ZNF33A: variants seen among roughly 807,000 people sequenced by gnomAD.
ZNF33A encodes zinc finger protein 33A.
In ZNF33A, 9 loss-of-function variants were observed where a neutral mutation model predicts 15.9. The observed-to-expected ratio is 0.57, with a 90% CI of 0.34 to 0.99. ZNF33A has a LOEUF of 0.99. Among genes scored for constraint, ZNF33A ranks in the 50% least tolerant of loss-of-function variants. The pLI is 0.02. For synonymous variants in ZNF33A, 294 were observed against 324.2 expected (o/e 0.91, Z 1.00); for missense variants, 843 against 941.6 (o/e 0.90, Z 1.37).
intron 4 of ZNF33A, among the ~76,000 whole-genome samples, chr10:38,043,224 C>T (rs1160202760): frequency 6.6e-6 from 1 of 151,866 alleles, no homozygotes; most frequent in Non-Finnish European, 1.5e-5. Flanking sequence ...TGGAAACCAT[C>T]ATTCTCAGCA....
intron 4 of ZNF33A, among the ~76,000 whole-genome samples, chr10:38,042,741 T>C (rs539019916): frequency 4.6e-5 from 7 of 152,164 alleles, no homozygotes; most frequent in African/African-American, 1.7e-4. Flanking sequence ...TTTTTAGAGA[T>C]GGTGTCTCAA....
chr10:38,023,855 G>A (rs1205912276), intron 4 of ZNF33A, among the ~76,000 whole-genome samples: 1 of 152,064 alleles, frequency 6.6e-6, no homozygotes, highest in Non-Finnish European at 1.5e-5. Flanking sequence ...AATATTACAA[G>A]GAATCTTAGA....
chr10:38,035,274 T>C (rs1393049034), intron 4 of ZNF33A, among the ~76,000 whole-genome samples: 2 of 151,956 alleles, frequency 1.3e-5, no homozygotes, highest in African/African-American at 4.8e-5. Flanking sequence ...CATACCACAA[T>C]GCCCAGCCAA....
At chr10:38,065,074 G>A (rs1222312209), downstream of ZNF33A, 1 of 152,452 alleles carries the variant, frequency 6.6e-6, no homozygotes, top group Non-Finnish European at 1.5e-5. Flanking sequence ...TTTTTTGTTT[G>A]TTTATTTGTT....
intron 4 of ZNF33A, among the ~76,000 whole-genome samples, chr10:38,051,505 T>C (rs1433703067): frequency 1.3e-5 from 2 of 152,056 alleles, no homozygotes; most frequent in Non-Finnish European, 2.9e-5. Flanking sequence ...AATTATATAT[T>C]GAAAATAAAG....
At chr10:38,038,370 G>A (rs1465122669) in intron 4 of ZNF33A, among the ~76,000 whole-genome samples, 1 of 152,108 alleles carries the variant, frequency 6.6e-6, no homozygotes, top group Non-Finnish European at 1.5e-5. Context: ...CCAAAGTGCT[G>A]GGATTACAGG....
chr10:38,010,656 G>A (rs753491820), upstream of ZNF33A: 34 of 1,556,422 alleles, frequency 2.2e-5, no homozygotes, highest in Middle Eastern at 5.0e-4. Flanking sequence ...CGCATGCCTC[G>A]TCCGCCGGCT....
At chr10:38,052,733 A>G (rs2066262436) in intron 4 of ZNF33A, among the ~76,000 whole-genome samples, 1 of 152,132 alleles carries the variant, frequency 6.6e-6, no homozygotes, top group African/African-American at 2.4e-5. Context: ...ACTCAAAGTA[A>G]AAGTTTGCTG....
At chr10:38,044,222 T>C (rs533174087) in intron 4 of ZNF33A, among the ~76,000 whole-genome samples, 41 of 151,130 alleles carry the variant, frequency 2.7e-4, no homozygotes, top group Non-Finnish European at 1.3e-4. Flanking sequence ...TTTTTTTTTT[T>C]TTGAGATGGA....
At chr10:38,018,259 C>A (rs549036234) in intron 4 of ZNF33A, among the ~76,000 whole-genome samples, 1 of 152,238 alleles carries the variant, frequency 6.6e-6, no homozygotes, top group South Asian at 2.1e-4. Context: ...TCAGGGGAAA[C>A]CTTAATGAGG....
chr10:38,017,300 T>A lies in ZNF33A; in HGVS notation c.164T>A (p.Val55Asp). 3 of 1,613,890 alleles carry A rather than the reference T, an allele frequency of 1.9e-6. No individual in the cohort carries two copies. Among genetic ancestry groups the A allele is most frequent in the Non-Finnish European group, 2.5e-6 (3 of 1,179,854 alleles). Reference protein sequence around the residue: ...YSNLVSVGYCVHKPEVIFRLQ... With the variant: ...YSNLVSVGYCDHKPEVIFRLQ... ...TATTTCCTGTTAACAGGGTATTGTGTTCACAAACCAGAGGTGATCTTCAGG... is the reference window on the plus strand; with the variant it reads ...TATTTCCTGTTAACAGGGTATTGTGATCACAAACCAGAGGTGATCTTCAGG... The change falls in exon 4 of 5, where the codon GTT becomes GAT. Residue 55 changes from valine to aspartate, a missense_variant. Physicochemically the swap from Val to Asp is radical, Grantham distance 152. Transcript: ENST00000432900.
rs2066437301 is a variant in ZNF33A at position 38,055,614 on chromosome 10, A to C, written c.1490A>C (p.Tyr497Ser). ...AGAATTCACATAGGAGATAAATCTT[A>C]TGAATGTAATGCATGTGGGAAAACT... ...HQRIHIGDKS[Y>S]ECNACGKTFY... is the part of the protein sequence containing the mutation. The change falls in exon 5 of 5, where the codon TAT becomes TCT. Residue 497 changes from tyrosine (Y) to serine (S), a missense_variant. Tyr to Ser is a moderately radical substitution (Grantham distance 144, BLOSUM62 -2). Coordinates refer to ENST00000432900, the MANE Select transcript of ZNF33A (RefSeq NM_006954.2). 1 of 1,614,006 alleles carries C rather than the reference A, an allele frequency of 6.2e-7. No individual in the cohort carries two copies. The highest frequency in any genetic ancestry group is 1.3e-5 in the African/African-American group (1 of 74,924).
chr10:38,053,692 C>T (rs1564874207), intron 4 of ZNF33A, among the ~76,000 whole-genome samples: 1 of 152,076 alleles, frequency 6.6e-6, no homozygotes, highest in African/African-American at 2.4e-5. Context: ...GTTTGATTAC[C>T]CTTTGCCTCT....
At position 38,055,941 on chromosome 10, in the gene ZNF33A, A is replaced by G. The variant is rs2135771978; in HGVS notation, c.1817A>G (p.Glu606Gly). The G allele has an allele frequency of 4.3e-6, 7 of 1,613,996 alleles. No individual in the cohort carries two copies. In the South Asian group the frequency reaches 7.7e-5, roughly 18 times the overall value. Residue 606 changes from glutamate to glycine, a missense_variant, in exon 5 of 5, where the codon GAG becomes GGG. Transcript: ENST00000432900. The stretch of plus-strand genomic sequence containing the variant: ...AAACATAATAGAACACATACAGGGG[A>G]GAAACCCTATGAATGTAATGAATGT... ...LTKHNRTHTG[E>G]KPYECNECGK...
At chr10:38,020,050 G>A (rs1194276555) in intron 4 of ZNF33A, among the ~76,000 whole-genome samples, 2 of 152,084 alleles carry the variant, frequency 1.3e-5, no homozygotes, top group Admixed American at 6.6e-5. Context: ...ACTATAAAAT[G>A]TGATACACTT....
Position 38,054,710 on chromosome 10 carries a change from A to T in ZNF33A, c.586A>T (p.Asn196Tyr). 1 of 1,613,828 alleles carries T rather than the reference A, an allele frequency of 6.2e-7. No homozygotes were observed. The highest frequency in any genetic ancestry group is 8.5e-7 in the Non-Finnish European group (1 of 1,179,954). ...TCAAGAGAAAAATGAAGTTTTGAAA[A>T]ATAGGAACACACTGAGTCATCATGA... ...HTQEKNEVLK[N>Y]RNTLSHHEET... The change falls in exon 5 of 5, where the codon AAT becomes TAT. Residue 196 changes from asparagine (N) to tyrosine (Y), a missense_variant. By Grantham distance (143) the Asn-to-Tyr change is moderately radical. Transcript: ENST00000432900.
At chr10:38,024,222 A>G (rs1363066608) in intron 4 of ZNF33A, among the ~76,000 whole-genome samples, 6 of 151,922 alleles carry the variant, frequency 3.9e-5, no homozygotes, top group Non-Finnish European at 5.9e-5. Flanking sequence ...ATGATTTCCA[A>G]AAAGTTTCAG....
Position 38,055,758 on chromosome 10 carries a change from G to T in ZNF33A, c.1634G>T (p.Arg545Ile), listed in dbSNP as rs781333360. The T allele has an allele frequency of 6.3e-7, 1 of 1,579,528 alleles. No homozygotes were observed. The highest frequency in any genetic ancestry group is 1.1e-5 in the South Asian group (1 of 88,574). The part of the protein sequence containing the change: ...CLKSDLTVHQ[R>I]THTGQKPFAC... Reference sequence around the variant, plus strand: ...AAGTCAGACCTCACAGTACATCAGAGAACACACACAGGGCAGAAACCCTTT... The same window carrying T: ...AAGTCAGACCTCACAGTACATCAGATAACACACACAGGGCAGAAACCCTTT... Residue 545 changes from arginine (R) to isoleucine (I), a missense_variant, in exon 5 of 5, where the codon AGA becomes ATA. By Grantham distance (97) the Arg-to-Ile change is moderately conservative (BLOSUM62 -3). Coordinates refer to ENST00000432900, the MANE Select transcript of ZNF33A (RefSeq NM_006954.2).
chr10:38,051,045 CAAAG>C (rs1278415311), intron 4 of ZNF33A, among the ~76,000 whole-genome samples: 5 of 151,562 alleles, frequency 3.3e-5, no homozygotes, highest in South Asian at 2.1e-4. Flanking sequence ...CAAGTATTAA[CAAAG>C]AAGTCAATTT....
Sources: gnomAD v4.1 joint callset for allele counts (sites outside exome capture counted in the v4.1 genomes callset) on GRCh38, gnomAD v4.1.1 for gene constraint, MANE v1.5 for transcripts, NCBI Gene and HGNC (gene_info 2026-07-23, HGNC 2026-07-21) for gene names.